IRAG1: variants seen among roughly 807,000 people sequenced by gnomAD.
IRAG1 encodes the protein IP3R-associated cGMP kinase substrate.
In IRAG1, 62 loss-of-function variants were observed where a neutral mutation model predicts 106.2. The ratio of observed to expected loss-of-function variants is 0.58; its 90% CI spans 0.48 to 0.72. IRAG1 has a LOEUF of 0.72. Ranked by LOEUF, IRAG1 falls within the 30% of genes least tolerant of loss-of-function variation. IRAG1 has a pLI of 0.00. For missense variants in IRAG1, 1,064 were observed against 1,140.7 expected, an observed-to-expected ratio of 0.93 and a Z score of 0.97; for synonymous variants, 462 against 443.9, an observed-to-expected ratio of 1.04 and a Z score of -0.51.
At chr11:10,688,616 T>C (rs1276488097) in intron 1 of IRAG1, among the ~76,000 whole-genome samples, 2 of 152,056 alleles carry the variant, frequency 1.3e-5, no homozygotes, top group Admixed American at 6.5e-5. Flanking sequence ...ATTGAGCCCA[T>C]TGGTTCCTAA....
chr11:10,642,851 G>C (rs1857618534), intron 2 of IRAG1, among the ~76,000 whole-genome samples: 1 of 152,138 alleles, frequency 6.6e-6, no homozygotes, highest in South Asian at 2.1e-4. Context: ...AAAGCAGCCA[G>C]TGCTCTTACA....
chr11:10,606,705 C>T (rs115167565), intron 12 of IRAG1, 37 bp downstream of exon 12: 18 of 1,576,862 alleles, frequency 1.1e-5, no homozygotes, highest in Admixed American at 7.4e-5. Context: ...CAGTCAAGCA[C>T]GGGCACTAAA....
At chr11:10,641,030 T>C (rs1237781073) in intron 2 of IRAG1, among the ~76,000 whole-genome samples, 2 of 152,192 alleles carry the variant, frequency 1.3e-5, no homozygotes, top group Non-Finnish European at 1.5e-5. Context: ...AAATATTCCA[T>C]GGACATAACT....
In IRAG1 at chr11:10,627,772, G is replaced by T; in HGVS notation, c.706-12C>A. 2.5e-6 allele frequency: 4 copies of T among 1,613,966 alleles called. No individual in the cohort carries two copies. Among genetic ancestry groups the T allele is most frequent in the Non-Finnish European group, 3.4e-6 (4 of 1,179,888 alleles). On this transcript the variant is annotated splice_polypyrimidine_tract_variant and intron_variant, in intron 7 of 20. Coordinates refer to ENST00000423302, the MANE Select transcript of IRAG1 (RefSeq NM_130385.4). ...GCCTCATCCCCCTTCTGCTGGAGAA[G>T]GTGAACAGGAGTCAGTCAGCAATGG...
In IRAG1 at chr11:10,657,949, C is replaced by T. The variant is rs915266740; in HGVS notation, c.68-5767G>A. On this transcript the variant is annotated intron_variant, in intron 1 of 20. Transcript: ENST00000423302. The surrounding 1 kb of genome is among the most constrained non-coding windows in gnomAD (Gnocchi z 4.1). ...CCCCAGAGCACCCATGCCCCGAGCC[C>T]GGCTGCATGTGGCAGCTTTCTGACT... 6.6e-6 allele frequency among the ~76,000 whole-genome samples: 1 copy of T among 152,216 alleles called. No homozygotes were observed. The highest frequency in any genetic ancestry group is 6.5e-5 in the Admixed American group (1 of 15,286).
intron 1 of IRAG1, among the ~76,000 whole-genome samples, chr11:10,673,854 C>G (rs1337881575): frequency 6.6e-6 from 1 of 151,972 alleles, no homozygotes; most frequent in Non-Finnish European, 1.5e-5. Context: ...TGTAAGAAAA[C>G]AGGTTGAGGG....
rs752165496 is a variant in IRAG1 at position 10,628,005 on chromosome 11, G to A, written c.673C>T (p.Pro225Ser). 6 of 1,611,892 alleles carry A rather than the reference G, an allele frequency of 3.7e-6. No individual in the cohort carries two copies. The East Asian group carries it at 1.1e-4, about 30-fold the overall frequency. ...TPPGLDVCSG[P>S]PSPLPGAPPQ... Reference sequence around the variant, plus strand: ...GGTGCTCCAGGCAGAGGGGATGGCGGGCCACTGCACACATCCAAACCTGGA... The same window carrying A: ...GGTGCTCCAGGCAGAGGGGATGGCGAGCCACTGCACACATCCAAACCTGGA... The change falls in exon 7 of 21, where the codon CCG (proline) becomes TCG (serine). Residue 225 changes from proline to serine, a missense_variant. By Grantham distance (74) the Pro-to-Ser change is moderately conservative (BLOSUM62 -1). Transcript: ENST00000423302. This position sits in a 1 kb window ranked among gnomAD's most constrained non-coding sequence, Gnocchi z 4.1.
chr11:10,579,433 C>A (rs1208706084), intron 20 of IRAG1, among the ~76,000 whole-genome samples: 1 of 152,098 alleles, frequency 6.6e-6, no homozygotes, highest in Non-Finnish European at 1.5e-5. Flanking sequence ...CCCAAGATAT[C>A]CCAGGGGTCT....
intron 2 of IRAG1, among the ~76,000 whole-genome samples, chr11:10,638,324 A>G (rs1857281721): frequency 6.6e-6 from 1 of 152,206 alleles, no homozygotes; most frequent in Non-Finnish European, 1.5e-5. Context: ...GCTATCCTAA[A>G]TTGGCTTTCT....
chr11:10,672,135 C>T (rs543363881), intron 1 of IRAG1, among the ~76,000 whole-genome samples: 3 of 152,258 alleles, frequency 2.0e-5, no homozygotes, highest in East Asian at 1.9e-4. Context: ...TCTGGAACAA[C>T]GGGATAACCA....
At chr11:10,616,613 C>T (rs912472468) in intron 10 of IRAG1, among the ~76,000 whole-genome samples, 3 of 152,134 alleles carry the variant, frequency 2.0e-5, no homozygotes, top group African/African-American at 7.2e-5. Context: ...CTTTTAGAAA[C>T]CAATTTCTCT....
chr11:10,634,833 A>G (rs2134685277), intron 2 of IRAG1, among the ~76,000 whole-genome samples: 1 of 150,134 alleles, frequency 6.7e-6, no homozygotes, highest in African/African-American at 2.5e-5. Flanking sequence ...ACATTTTTTA[A>G]TTCATCCATT....
chr11:10,586,961 G>A (rs2134157025), intron 18 of IRAG1, among the ~76,000 whole-genome samples: 1 of 152,282 alleles, frequency 6.6e-6, no homozygotes, highest in East Asian at 1.9e-4. Context: ...CTCTGTAAAT[G>A]GTTATTTCCT....
At chr11:10,601,163 A>G (rs1344143195) in intron 14 of IRAG1, 104 bp from the exon 15 acceptor site, 2 of 1,482,446 alleles carry the variant, frequency 1.3e-6, no homozygotes, top group Non-Finnish European at 1.8e-6. Context: ...TCAAAAGGAT[A>G]CAGGGACAAG....
intron 1 of IRAG1, among the ~76,000 whole-genome samples, chr11:10,670,634 C>A (rs1382504746): frequency 6.6e-6 from 1 of 152,176 alleles, no homozygotes; most frequent in African/African-American, 2.4e-5. Flanking sequence ...ATGTCAAAAT[C>A]CTAACCCCCA....
chr11:10,671,983 T>G (rs1456136610), intron 1 of IRAG1, among the ~76,000 whole-genome samples: 1 of 152,204 alleles, frequency 6.6e-6, no homozygotes. Context: ...AGTATGATAC[T>G]ATACACTATA....
intron 1 of IRAG1, among the ~76,000 whole-genome samples, chr11:10,675,548 A>G (rs556076991): frequency 1.1e-4 from 17 of 152,168 alleles, no homozygotes; most frequent in Non-Finnish European, 2.2e-4. Flanking sequence ...AGGTCACCTG[A>G]GGAACCCTGA....
rs762220840 is a variant in IRAG1 at position 10,609,854 on chromosome 11, GA to G, written c.1448-4del. 3 of 1,605,180 alleles carry G rather than the reference GA, an allele frequency of 1.9e-6. No individual in the cohort carries two copies. Among genetic ancestry groups the G allele is most frequent in the Non-Finnish European group, 2.5e-6 (3 of 1,177,066 alleles). On this transcript the variant is annotated splice_polypyrimidine_tract_variant and splice_region_variant and intron_variant, in intron 10 of 20. Transcript: ENST00000423302. Reference sequence around the variant, plus strand: ...TGGGGAGAGTTCAGAAGGAAGCCCTGAAAAAAAAGTGCTTACTTATAAAATG... The same window carrying G: ...TGGGGAGAGTTCAGAAGGAAGCCCTGAAAAAAAGTGCTTACTTATAAAATG...
chr11:10,681,169 C>T (rs191563995), intron 1 of IRAG1, among the ~76,000 whole-genome samples: 31 of 152,252 alleles, frequency 2.0e-4, no homozygotes, highest in Middle Eastern at 3.4e-3. Context: ...CCTTTTGTCA[C>T]CACCCACTAC....
Sources: gnomAD v4.1 joint callset for allele counts (sites outside exome capture counted in the v4.1 genomes callset) on GRCh38, gnomAD v4.1.1 for gene constraint, Gnocchi (gnomAD v3.1) non-coding constraint, MANE v1.5 for transcripts, NCBI Gene and HGNC (gene_info 2026-07-23, HGNC 2026-07-21) for gene names.